The following ATG4A variants were observed in gnomAD, a reference collection of about 807,000 sequenced individuals.
ATG4A encodes cysteine protease ATG4A.
In ATG4A, 22 loss-of-function variants were observed where a neutral mutation model predicts 38.4. The ratio of observed to expected loss-of-function variants is 0.57; its 90% CI spans 0.41 to 0.82. The LOEUF is 0.82. Ranked by LOEUF, ATG4A falls within the 40% of genes least tolerant of loss-of-function variation. The pLI is 0.00. For synonymous variants in ATG4A, 86 were observed against 100.7 expected (o/e 0.85, Z 0.88); for missense variants, 220 against 290.0 (o/e 0.76, Z 1.75).
chrX:108,103,502 CTTA>C (rs904687776), intron 1 of ATG4A, among the ~76,000 whole-genome samples: 2 of 112,092 alleles, frequency 1.8e-5, no homozygotes, highest in East Asian at 2.8e-4. Context: ...TAGGGAAGGA[CTTA>C]TTATTGCAAT....
chrX:108,098,175 T>G (rs2031892105), intron 1 of ATG4A, among the ~76,000 whole-genome samples: 3 of 111,601 alleles, frequency 2.7e-5, no homozygotes. Context: ...ATCCCGTGTT[T>G]TGATCCCACA....
At chrX:108,108,159 CTT>C (rs35622417) in intron 1 of ATG4A, among the ~76,000 whole-genome samples, 1 of 65,760 alleles carries the variant, frequency 1.5e-5, no homozygotes, top group Non-Finnish European at 2.7e-5. Context: ...TTTTGAGGCA[CTT>C]TTTTTTTTTT....
intron 3 of ATG4A, 111 bp from the exon 4 acceptor site, chrX:108,131,149 C>T: frequency 1.5e-6 from 1 of 679,333 alleles, no homozygotes; most frequent in Admixed American, 2.6e-5. Flanking sequence ...TGTCACCTCA[C>T]TTTTCAGAGT....
chrX:108,142,992 T>C lies in ATG4A; in HGVS notation c.814+4801T>C, dbSNP rs1388044037. Among the ~76,000 whole-genome samples, 5 of 111,671 alleles carry C rather than the reference T, an allele frequency of 4.5e-5. No individual in the cohort carries two copies. In the East Asian group the frequency reaches 1.4e-3, roughly 31 times the overall value. ...TCAGATAAAGACAATAATAAGGTCATAATTTGCCTAACATAATACAACTAT... is the reference window on the plus strand; with the variant it reads ...TCAGATAAAGACAATAATAAGGTCACAATTTGCCTAACATAATACAACTAT... On this transcript the variant is annotated intron_variant, in intron 9 of 12. Transcript: ENST00000372232.
rs770351217 is a variant in ATG4A at position 108,151,790 on chromosome X, CT to C, written c.961-9del. 5.5e-3 allele frequency: 6,670 copies of C among 1,204,945 alleles called. 22 individuals carry two copies. Among genetic ancestry groups the C allele is most frequent in the Non-Finnish European group, 6.6e-3 (5,912 of 891,220 alleles). ...GGTAATTCTAAGTTGTGTTCTTTTG[CT>C]TTCCCCCAAGGGATTTTTCTGCAAA... is the stretch of plus-strand genomic sequence containing the variant. On this transcript the variant is annotated splice_polypyrimidine_tract_variant and intron_variant, in intron 10 of 12. Coordinates refer to ENST00000372232, the MANE Select transcript of ATG4A (RefSeq NM_052936.5).
At chrX:108,124,700 G>A (rs1414938718) in intron 1 of ATG4A, among the ~76,000 whole-genome samples, 1 of 111,245 alleles carries the variant, frequency 9.0e-6, no homozygotes, top group Non-Finnish European at 1.9e-5. Flanking sequence ...AAAAGTACTT[G>A]TACAAATTAT....
chrX:108,141,054 A>T lies in ATG4A; in HGVS notation c.814+2863A>T, dbSNP rs1436274370. Among the ~76,000 whole-genome samples, 303 of 58,240 alleles carry T rather than the reference A, an allele frequency of 5.2e-3. 9 individuals carry two copies. The highest frequency in any genetic ancestry group is 0.02 in the African/African-American group (285 of 14,527). 50.6% of individuals were successfully genotyped at this position (58,240 alleles called of 115,157 possible). On this transcript the variant is annotated intron_variant, in intron 9 of 12. Coordinates refer to ENST00000372232, the MANE Select transcript of ATG4A (RefSeq NM_052936.5). Reference sequence around the variant, plus strand: ...TACATATATACATATATATACATATATACGTGTATATATATACATATATAT... The same window carrying T: ...TACATATATACATATATATACATATTTACGTGTATATATATACATATATAT...
At chrX:108,108,360 GTA>G (rs1016884676) in intron 1 of ATG4A, among the ~76,000 whole-genome samples, 2 of 107,145 alleles carry the variant, frequency 1.9e-5, no homozygotes, top group African/African-American at 3.4e-5. Context: ...TATGAGTTAT[GTA>G]TATATATATA....
chrX:108,097,207 G>A (rs946468994), intron 1 of ATG4A, among the ~76,000 whole-genome samples: 3 of 112,029 alleles, frequency 2.7e-5, no homozygotes, highest in African/African-American at 9.7e-5. Flanking sequence ...TTTAGTTGGA[G>A]CTATAATAGA....
chrX:108,104,162 C>A (rs1387074760), intron 1 of ATG4A, among the ~76,000 whole-genome samples: 1 of 112,382 alleles, frequency 8.9e-6, no homozygotes, highest in African/African-American at 3.2e-5. Flanking sequence ...TTTTTAACTT[C>A]TATACTAAAA....
chrX:108,138,066 A>C, intron 8 of ATG4A, 47 bp from the exon 9 acceptor site: 4 of 1,197,803 alleles, frequency 3.3e-6, no homozygotes, highest in Non-Finnish European at 4.5e-6. Flanking sequence ...ATCCGTGAGC[A>C]GCAGTCCACA....
intron 10 of ATG4A, among the ~76,000 whole-genome samples, chrX:108,150,698 C>G (rs761893599): frequency 1.8e-5 from 2 of 112,494 alleles, no homozygotes; most frequent in East Asian, 5.6e-4. Flanking sequence ...ATTTATAAAA[C>G]CATCAGATCT....
At chrX:108,109,116 A>G (rs1194887734) in intron 1 of ATG4A, among the ~76,000 whole-genome samples, 7 of 111,743 alleles carry the variant, frequency 6.3e-5, no homozygotes, top group Non-Finnish European at 1.3e-4. Context: ...ACCATTTTAC[A>G]ATCTCACCAG....
At chrX:108,122,446 A>G (rs759567816) in intron 1 of ATG4A, among the ~76,000 whole-genome samples, 6 of 111,846 alleles carry the variant, frequency 5.4e-5, no homozygotes, top group African/African-American at 1.9e-4. Context: ...CTGCATGTTG[A>G]TAAGACCAGT....
At chrX:108,113,890 G>T (rs757548261) in intron 1 of ATG4A, among the ~76,000 whole-genome samples, 1 of 111,994 alleles carries the variant, frequency 8.9e-6, no homozygotes, top group South Asian at 3.8e-4. Context: ...TTGAGATTTA[G>T]GTGGGGACAC....
Position 108,109,313 on chromosome X carries a change from C to G in ATG4A, c.11-16764C>G, listed in dbSNP as rs762664039. Among the ~76,000 whole-genome samples the G allele has an allele frequency of 4.5e-5, 5 of 112,077 alleles. No homozygotes were observed. The East Asian group carries it at 8.3e-4, about 19-fold the overall frequency. On this transcript the variant is annotated intron_variant, in intron 1 of 12. Transcript: ENST00000372232. ...ATCATCTTTAGATAACTATTCAATTCTTTGCCCATTTTTAATCAGGTTATT... is the reference window on the plus strand; with the variant it reads ...ATCATCTTTAGATAACTATTCAATTGTTTGCCCATTTTTAATCAGGTTATT...
At chrX:108,094,880 A>G (rs1366236964) in intron 1 of ATG4A, among the ~76,000 whole-genome samples, 2 of 112,623 alleles carry the variant, frequency 1.8e-5, no homozygotes, top group Admixed American at 1.9e-4. Context: ...TGCTGCTGGA[A>G]CTGTAGTCTG....
rs769557336 is a variant in ATG4A at position 108,137,083 on chromosome X, CT to C, written c.468-5del. On this transcript the variant is annotated splice_region_variant and splice_polypyrimidine_tract_variant and intron_variant, in intron 6 of 12. Coordinates refer to ENST00000372232, the MANE Select transcript of ATG4A (RefSeq NM_052936.5). ...CAAATTGTGACTTCATTATACATTGCTTTGCAGAAAACTTGCTTTATTTGAC... is the reference window on the plus strand; with the variant it reads ...CAAATTGTGACTTCATTATACATTGCTTGCAGAAAACTTGCTTTATTTGAC... 1.7e-6 allele frequency: 2 copies of C among 1,200,359 alleles called. No homozygotes were observed. Among genetic ancestry groups the C allele is most frequent in the South Asian group, 1.8e-5 (1 of 56,164 alleles).
Position 108,150,196 on chromosome X carries a change from G to C in ATG4A, c.859G>C (p.Val287Leu), listed in dbSNP as rs1229857850. 2.2e-5 allele frequency: 27 copies of C among 1,210,337 alleles called. No individual in the cohort carries two copies. The highest frequency in any genetic ancestry group is 2.8e-5 in the Non-Finnish European group (25 of 895,279). Reference sequence around the variant, plus strand: ...GGACCCTCATACAACCCAGACCTTTGTTGACACTGAAGAGAATGGAACGGT... The same window carrying C: ...GGACCCTCATACAACCCAGACCTTTCTTGACACTGAAGAGAATGGAACGGT... Reference protein sequence around the residue: ...FLDPHTTQTFVDTEENGTVND... With the variant: ...FLDPHTTQTFLDTEENGTVND... The change falls in exon 10 of 13, where the codon GTT (valine) becomes CTT (leucine). Residue 287 changes from valine to leucine, a missense_variant. Transcript: ENST00000372232.
Sources: allele counts gnomAD v4.1 joint callset (sites outside exome capture counted in the v4.1 genomes callset), GRCh38; gene constraint gnomAD v4.1.1; transcripts MANE v1.5; gene names NCBI Gene and HGNC (gene_info 2026-07-23, HGNC 2026-07-21).